The following ST8SIA1 variants were observed in gnomAD, a reference collection of about 807,000 sequenced individuals.
The protein encoded by ST8SIA1 is ST8 alpha-N-acetyl-neuraminide alpha-2,8-sialyltransferase 1, also known as alpha-N-acetylneuraminide alpha-2,8-sialyltransferase.
A neutral mutation model predicts 35.9 loss-of-function variants in ST8SIA1; 16 were observed. The observed-to-expected ratio is 0.45, with a 90% confidence interval of 0.30 to 0.68. The LOEUF is 0.68. Ranked by LOEUF, ST8SIA1 falls within the 30% of genes least tolerant of loss-of-function variation. ST8SIA1 has a pLI of 0.09. For synonymous variants in ST8SIA1, 170 were observed against 169.6 expected (o/e 1.00, Z -0.02); for missense variants, 383 against 453.6 (o/e 0.84, Z 1.41).
At chr12:22,214,452 A>C (rs1037990492) in intron 4 of ST8SIA1, among the ~76,000 whole-genome samples, 1 of 152,190 alleles carries the variant, frequency 6.6e-6, no homozygotes, top group Non-Finnish European at 1.5e-5. Context: ...TGAAGAGCCC[A>C]GGCAAAAGAC....
intron 2 of ST8SIA1, among the ~76,000 whole-genome samples, chr12:22,261,837 C>A (rs1475238921): frequency 6.6e-6 from 1 of 152,000 alleles, no homozygotes; most frequent in Non-Finnish European, 1.5e-5. Context: ...TACCTAACTT[C>A]CCTGTTCATT....
chr12:22,249,466 C>A (rs756604303), intron 3 of ST8SIA1, among the ~76,000 whole-genome samples: 1 of 152,066 alleles, frequency 6.6e-6, no homozygotes. Flanking sequence ...GTGATCTGCC[C>A]GCCTTGGCCT....
At chr12:22,294,705 A>G (rs1866221733) in intron 1 of ST8SIA1, among the ~76,000 whole-genome samples, 2 of 152,240 alleles carry the variant, frequency 1.3e-5, no homozygotes, top group Admixed American at 6.5e-5. Context: ...TAGTAAGGGC[A>G]GAGAAAATTG....
intron 1 of ST8SIA1, among the ~76,000 whole-genome samples, chr12:22,310,504 G>A (rs137910984): frequency 7.9e-5 from 12 of 152,076 alleles, no homozygotes; most frequent in African/African-American, 1.7e-4. Flanking sequence ...ACAGTAACTC[G>A]ATTGCCTAGA....
intron 4 of ST8SIA1, among the ~76,000 whole-genome samples, chr12:22,221,705 G>C (rs907930674): frequency 6.6e-6 from 1 of 152,182 alleles, no homozygotes; most frequent in Non-Finnish European, 1.5e-5. Flanking sequence ...TACAGTTGTT[G>C]AAAACAGAAC....
intron 1 of ST8SIA1, among the ~76,000 whole-genome samples, chr12:22,306,641 T>C (rs539261980): frequency 1.1e-4 from 17 of 152,340 alleles, no homozygotes; most frequent in African/African-American, 3.8e-4. Context: ...GTTTGTAAGA[T>C]GTTAACTTAA....
chr12:22,267,307 T>C (rs1470811714), intron 2 of ST8SIA1, among the ~76,000 whole-genome samples: 1 of 151,214 alleles, frequency 6.6e-6, no homozygotes, highest in African/African-American at 2.4e-5. Context: ...CCAGGATCAA[T>C]TGCCTGCTAA....
intron 4 of ST8SIA1, among the ~76,000 whole-genome samples, chr12:22,202,569 T>C (rs1591822423): frequency 6.6e-6 from 1 of 152,198 alleles, no homozygotes; most frequent in East Asian, 1.9e-4. Flanking sequence ...TATTACAAAA[T>C]GATGCAGGGA....
At chr12:22,249,220 GT>G (rs878946392) in intron 3 of ST8SIA1, 122 bp from the exon 4 acceptor site, 113,091 of 434,126 alleles carry the variant, frequency 0.26, 3,125 homozygotes, top group African/African-American at 0.31. Context: ...TTTGTTTTTT[GT>G]TTTTTTTTTT....
chr12:22,292,761 TG>T (rs1866194214), intron 1 of ST8SIA1, among the ~76,000 whole-genome samples: 1 of 151,938 alleles, frequency 6.6e-6, no homozygotes, highest in African/African-American at 2.4e-5. Context: ...GGAGAAAGAA[TG>T]GGAGAAAAGA....
intron 4 of ST8SIA1, among the ~76,000 whole-genome samples, chr12:22,223,963 A>G (rs1865328973): frequency 6.6e-6 from 1 of 152,322 alleles, no homozygotes; most frequent in Non-Finnish European, 1.5e-5. Context: ...AAGTGTTATT[A>G]TGAATTCAAA....
intron 4 of ST8SIA1, chr12:22,223,174 A>G (rs1865318787): frequency 6.6e-6 from 1 of 152,210 alleles, no homozygotes; most frequent in African/African-American, 2.4e-5. Flanking sequence ...AACAACTCCT[A>G]CAGTTTCATG....
intron 2 of ST8SIA1, among the ~76,000 whole-genome samples, chr12:22,269,991 C>T (rs902337831): frequency 3.3e-5 from 5 of 152,124 alleles, no homozygotes; most frequent in African/African-American, 1.2e-4. Flanking sequence ...CCAAGGAAAA[C>T]AAAATGGGAA....
At chr12:22,248,743 G>T in intron 4 of ST8SIA1, 1 of 391,410 alleles carries the variant, frequency 2.6e-6, no homozygotes, top group Non-Finnish European at 4.6e-6. Context: ...GTATTGTGCT[G>T]TTCTTTGAGC....
chr12:22,208,475 C>A (rs1478216494), intron 4 of ST8SIA1, among the ~76,000 whole-genome samples: 1 of 151,808 alleles, frequency 6.6e-6, no homozygotes, highest in Non-Finnish European at 1.5e-5. Flanking sequence ...CAACAAAGCC[C>A]CCAAACACTT....
intron 1 of ST8SIA1, among the ~76,000 whole-genome samples, chr12:22,301,208 A>G (rs139332003): frequency 6.6e-6 from 1 of 152,140 alleles, no homozygotes; most frequent in East Asian, 1.9e-4. Flanking sequence ...GTAAAACTCT[A>G]ACAAGTGCTC....
At chr12:22,309,033 C>T (rs1380290470) in intron 1 of ST8SIA1, among the ~76,000 whole-genome samples, 3 of 152,114 alleles carry the variant, frequency 2.0e-5, no homozygotes, top group Non-Finnish European at 4.4e-5. Context: ...AAAAGAGATA[C>T]AAAAGAGAAC....
chr12:22,334,011 C>T lies in ST8SIA1; in HGVS notation c.222G>A (p.Ala74=). 6.2e-7 allele frequency: 1 copy of T among 1,613,828 alleles called. No individual in the cohort carries two copies. Among genetic ancestry groups the T allele is most frequent in the African/African-American group, 1.3e-5 (1 of 75,006 alleles). Residue 74 remains alanine, a synonymous_variant, in exon 1 of 5, where the codon GCG becomes GCA. Coordinates refer to ENST00000396037, the MANE Select transcript of ST8SIA1 (RefSeq NM_003034.4). ...QGTAWRRNQT[A]ARAFRKQMED... The stretch of plus-strand genomic sequence containing the variant: ...GGCAGGAGTACCTGAACGCTCTGGC[C>T]GCGGTCTGGTTCCTCCTCCACGCCG...
chr12:22,197,197 A>G lies in ST8SIA1; in HGVS notation c.*4355T>C, dbSNP rs1864999632. ...TCATATAACCTGAGAGTCGACCTAT[A>G]CGACGGGAAGATAAAGAAAAAGCAC... On this transcript the variant is annotated 3_prime_UTR_variant, in exon 5 of 5. Coordinates refer to ENST00000396037, the MANE Select transcript of ST8SIA1 (RefSeq NM_003034.4). 6.6e-6 allele frequency: 1 copy of G among 152,232 alleles called. No homozygotes were observed. The highest frequency in any genetic ancestry group is 1.5e-5 in the Non-Finnish European group (1 of 68,052). The allele number at this position is 152,232 out of a possible 1,614,324, so 9.4% of individuals were successfully genotyped here.
Sources: allele counts gnomAD v4.1 joint callset (sites outside exome capture counted in the v4.1 genomes callset), GRCh38; gene constraint gnomAD v4.1.1; transcripts MANE v1.5; gene names NCBI Gene and HGNC (gene_info 2026-07-23, HGNC 2026-07-21).